RBFOX1: variants seen among roughly 807,000 people sequenced by gnomAD.
RBFOX1 encodes RNA binding protein fox-1 homolog 1.
RBFOX1 carries 8 observed loss-of-function variants against 57.7 expected under a neutral mutation model. The observed-to-expected ratio is 0.14, with a 90% CI of 0.08 to 0.25. The LOEUF (loss-of-function observed/expected upper bound fraction) is 0.25. Ranked by LOEUF, RBFOX1 falls within the 10% of genes least tolerant of loss-of-function variation. The probability of loss-of-function intolerance (pLI) is 1.00; values close to 1 mark genes in which losing one functional copy is unlikely to be tolerated. For missense variants in RBFOX1, 611 were observed against 548.5 expected (o/e 1.11, Z -1.14); for synonymous variants, 326 against 222.4 (o/e 1.47, Z -4.15).
intron 4 of RBFOX1, among the ~76,000 whole-genome samples, chr16:7,368,673 AG>A (rs1362628496): frequency 6.6e-6 from 1 of 151,110 alleles, no homozygotes; most frequent in Non-Finnish European, 1.5e-5. Context: ...CCAGCTACTC[AG>A]GAGGCTGAGG....
chr16:5,587,265 CAA>C (rs199829047), intron 2 of RBFOX1, among the ~76,000 whole-genome samples: 605 of 152,242 alleles, frequency 4.0e-3, no homozygotes, highest in Non-Finnish European at 7.2e-3. Flanking sequence ...AAAAAATGGG[CAA>C]AGTGTCCGAA....
chr16:5,241,735 T>C (rs1327075359), intron 1 of RBFOX1, among the ~76,000 whole-genome samples: 2 of 152,216 alleles, frequency 1.3e-5, no homozygotes, highest in Non-Finnish European at 2.9e-5. Context: ...GGTGGATAAA[T>C]GGGACTTAGG....
chr16:6,147,827 C>G (rs1056112178), intron 1 of RBFOX1, among the ~76,000 whole-genome samples: 1 of 152,188 alleles, frequency 6.6e-6, no homozygotes, highest in Non-Finnish European at 1.5e-5. Flanking sequence ...CCTTCTTTCT[C>G]CTTTCAGTCT....
At chr16:6,392,114 C>G (rs1277193825) in intron 2 of RBFOX1, among the ~76,000 whole-genome samples, 1 of 152,192 alleles carries the variant, frequency 6.6e-6, no homozygotes, top group Non-Finnish European at 1.5e-5. Context: ...CCCAGAGTGA[C>G]TCTGTTCTAT....
intron 4 of RBFOX1, among the ~76,000 whole-genome samples, chr16:5,984,839 C>T (rs185105774): frequency 2.1e-4 from 32 of 151,150 alleles, no homozygotes; most frequent in African/African-American, 7.8e-4. Context: ...ATACTGTAGG[C>T]AGTTGGAACA....
chr16:5,598,395 C>G (rs17415918), intron 2 of RBFOX1, among the ~76,000 whole-genome samples: 5,918 of 151,930 alleles, frequency 0.039, 261 homozygotes, highest in African/African-American at 0.11. Flanking sequence ...GGAGTGTCAG[C>G]GGAGTCAAAG....
At chr16:7,559,026 T>C (rs934000562) in intron 5 of RBFOX1, among the ~76,000 whole-genome samples, 20 of 152,200 alleles carry the variant, frequency 1.3e-4, no homozygotes, top group Admixed American at 5.9e-4. Context: ...CAATGAAGAG[T>C]GCCTGGTCTC....
At chr16:6,197,695 T>C (rs1205761458) in intron 1 of RBFOX1, among the ~76,000 whole-genome samples, 1 of 151,858 alleles carries the variant, frequency 6.6e-6, no homozygotes, top group African/African-American at 2.4e-5. Context: ...CTTATATAGA[T>C]AAAGTCATGT....
chr16:5,733,008 C>G (rs1466767265), intron 3 of RBFOX1, among the ~76,000 whole-genome samples: 2 of 152,104 alleles, frequency 1.3e-5, no homozygotes, highest in Admixed American at 6.5e-5. Flanking sequence ...ACTATATGAT[C>G]TTACACATTT....
At chr16:7,433,868 G>A (rs887489072) in intron 4 of RBFOX1, among the ~76,000 whole-genome samples, 3 of 152,174 alleles carry the variant, frequency 2.0e-5, no homozygotes, top group African/African-American at 7.2e-5. Flanking sequence ...CAAATGACAG[G>A]GAGAGAAAGG....
At chr16:7,421,240 A>AAAG (rs1555886528) in intron 4 of RBFOX1, among the ~76,000 whole-genome samples, 1 of 151,878 alleles carries the variant, frequency 6.6e-6, no homozygotes, top group African/African-American at 2.4e-5. Flanking sequence ...AGACAAAGAG[A>AAAG]GAGAGAACAA....
chr16:7,707,964 A>G (rs59713281), intron 14 of RBFOX1, among the ~76,000 whole-genome samples: 1 of 152,144 alleles, frequency 6.6e-6, no homozygotes, highest in African/African-American at 2.4e-5. Flanking sequence ...CAGCATTCAA[A>G]CTATCTCCAG....
intron 2 of RBFOX1, among the ~76,000 whole-genome samples, chr16:6,375,411 A>G (rs1471452497): frequency 1.8e-5 from 2 of 113,820 alleles, no homozygotes; most frequent in Non-Finnish European, 4.0e-5. Context: ...GCAGCTCTAG[A>G]GTATTTTTTT....
chr16:5,948,516 C>G (rs974521860), intron 4 of RBFOX1, among the ~76,000 whole-genome samples: 2 of 152,096 alleles, frequency 1.3e-5, no homozygotes, highest in Non-Finnish European at 2.9e-5. Flanking sequence ...TGAGGTCATG[C>G]TGGATTTTGG....
At chr16:6,665,929 C>G (rs931554097) in intron 3 of RBFOX1, among the ~76,000 whole-genome samples, 2 of 152,076 alleles carry the variant, frequency 1.3e-5, no homozygotes, top group South Asian at 2.1e-4. Context: ...TCCCATAATT[C>G]CCACATGTTG....
At chr16:6,653,092 G>A (rs1233097079) in intron 2 of RBFOX1, among the ~76,000 whole-genome samples, 35 of 151,938 alleles carry the variant, frequency 2.3e-4, no homozygotes, top group Admixed American at 2.2e-3. Context: ...CTTTGAACTT[G>A]CTCTTCGTTT....
At chr16:5,424,997 T>A (rs1217801407) in intron 1 of RBFOX1, among the ~76,000 whole-genome samples, 1 of 142,054 alleles carries the variant, frequency 7.0e-6, no homozygotes, top group African/African-American at 2.6e-5. Flanking sequence ...TCTTTTCTTT[T>A]CTTTTCTTTT....
At chr16:6,353,483 C>G (rs985826551) in intron 2 of RBFOX1, among the ~76,000 whole-genome samples, 2 of 151,810 alleles carry the variant, frequency 1.3e-5, no homozygotes, top group Non-Finnish European at 2.9e-5. Flanking sequence ...TACTTATGGT[C>G]CCTTTTAAGT....
At chr16:6,486,656 A>ATT (rs34581165) in intron 2 of RBFOX1, among the ~76,000 whole-genome samples, 173 of 143,328 alleles carry the variant, frequency 1.2e-3, no homozygotes, top group East Asian at 8.9e-3. Flanking sequence ...CCTTAATTTT[A>ATT]TTATTTTTTT....
Sources: gnomAD v4.1 joint callset for allele counts (sites outside exome capture counted in the v4.1 genomes callset) on GRCh38, gnomAD v4.1.1 for gene constraint, MANE v1.5 for transcripts, NCBI Gene and HGNC (gene_info 2026-07-23, HGNC 2026-07-21) for gene names.